The following UNC5A variants were observed in gnomAD, a reference collection of about 807,000 sequenced individuals.
UNC5A encodes unc-5 netrin receptor A.
Under a neutral mutation model 87.4 loss-of-function variants are expected in UNC5A, and 20 were observed. The ratio of observed to expected loss-of-function variants is 0.23; its 90% CI spans 0.16 to 0.33. The LOEUF is 0.33. Among genes scored for constraint, UNC5A ranks in the 10% least tolerant of loss-of-function variants. UNC5A has a pLI of 1.00. For missense variants in UNC5A, 844 were observed against 1,133.4 expected, an observed-to-expected ratio of 0.74 and a Z score of 3.67; for synonymous variants, 438 against 482.3, an observed-to-expected ratio of 0.91 and a Z score of 1.20.
intron 1 of UNC5A, among the ~76,000 whole-genome samples, chr5:176,819,751 C>T (rs1442255686): frequency 2.0e-5 from 3 of 152,214 alleles, no homozygotes; most frequent in African/African-American, 4.8e-5. Context: ...TAGGTTGGGC[C>T]GGAGCCACCA....
At chr5:176,817,941 AGCCCGCCC>A (rs942704629) in intron 1 of UNC5A, among the ~76,000 whole-genome samples, 1 of 151,932 alleles carries the variant, frequency 6.6e-6, no homozygotes, top group African/African-American at 2.4e-5. Flanking sequence ...TCCGCCCGCC[AGCCCGCCC>A]GCGGCCGCCC....
At chr5:176,835,382 T>C (rs904497505) in intron 1 of UNC5A, among the ~76,000 whole-genome samples, 3 of 152,162 alleles carry the variant, frequency 2.0e-5, no homozygotes, top group African/African-American at 7.2e-5. Flanking sequence ...CCCAGGAAGG[T>C]TCCCAGAGGG....
chr5:176,833,161 T>C (rs990686903), intron 1 of UNC5A, among the ~76,000 whole-genome samples: 8 of 152,206 alleles, frequency 5.3e-5, no homozygotes, highest in Non-Finnish European at 8.8e-5. Flanking sequence ...CTTCCAACTT[T>C]TACTTTAGGT....
Position 176,844,034 on chromosome 5 carries a change from G to A in UNC5A, c.71-18590G>A, listed in dbSNP as rs192895365. ...TGGGGCTAATTATAGGCACAGAGGA[G>A]AGGATTATTTACAGAGACAGGAGGC... On this transcript the variant is annotated intron_variant, in intron 1 of 14. Coordinates refer to ENST00000329542, the MANE Select transcript of UNC5A (RefSeq NM_133369.3). The surrounding 1 kb of genome is among the most constrained non-coding windows in gnomAD (Gnocchi z 4.2). Among the ~76,000 whole-genome samples, 395 of 152,386 alleles carry A rather than the reference G, an allele frequency of 2.6e-3. 2 individuals carry two copies. Among genetic ancestry groups the A allele is most frequent in the Middle Eastern group, 0.01 (3 of 294 alleles).
chr5:176,826,483 AT>A (rs1561641527), intron 1 of UNC5A, among the ~76,000 whole-genome samples: 1 of 152,056 alleles, frequency 6.6e-6, no homozygotes, highest in African/African-American at 2.4e-5. Flanking sequence ...ATGCATATAT[AT>A]TTTTTCTTTC....
At chr5:176,819,201 C>T (rs1756668040) in intron 1 of UNC5A, among the ~76,000 whole-genome samples, 1 of 152,172 alleles carries the variant, frequency 6.6e-6, no homozygotes, top group Non-Finnish European at 1.5e-5. Flanking sequence ...GCCTGAATCC[C>T]AACCCCCCAC....
In UNC5A at chr5:176,848,394, T is replaced by C. The variant is rs1027467812; in HGVS notation, c.71-14230T>C. Among the ~76,000 whole-genome samples, 13 of 152,044 alleles carry C rather than the reference T, an allele frequency of 8.6e-5. No individual in the cohort carries two copies. Among genetic ancestry groups the C allele is most frequent in the African/African-American group, 3.1e-4 (13 of 41,382 alleles). On this transcript the variant is annotated intron_variant, in intron 1 of 14. Coordinates refer to ENST00000329542, the MANE Select transcript of UNC5A (RefSeq NM_133369.3). This position sits in a 1 kb window ranked among gnomAD's most constrained non-coding sequence, Gnocchi z 5.8. ...TGAGGCCACCCCTCTCTTTCCTCCA[T>C]GTTCCTCCAAGACCCTAGAGCCCAT...
At chr5:176,864,607 G>C (rs759498181) in intron 2 of UNC5A, among the ~76,000 whole-genome samples, 1 of 152,168 alleles carries the variant, frequency 6.6e-6, no homozygotes, top group Non-Finnish European at 1.5e-5. Context: ...AGCCCTTCTC[G>C]TCTGCAGCAG....
At chr5:176,818,456 G>C (rs896176440) in intron 1 of UNC5A, among the ~76,000 whole-genome samples, 1 of 152,186 alleles carries the variant, frequency 6.6e-6, no homozygotes, top group Non-Finnish European at 1.5e-5. Flanking sequence ...AGACTGTTAC[G>C]TTTTTTATTC....
intron 1 of UNC5A, among the ~76,000 whole-genome samples, chr5:176,814,526 A>G (rs1011307031): frequency 2.0e-5 from 3 of 152,062 alleles, no homozygotes; most frequent in South Asian, 2.1e-4. Flanking sequence ...GCTGCTGCCA[A>G]TCCCTGCACT....
chr5:176,825,564 G>T (rs1756831819), intron 1 of UNC5A, among the ~76,000 whole-genome samples: 1 of 152,236 alleles, frequency 6.6e-6, no homozygotes, highest in African/African-American at 2.4e-5. Flanking sequence ...GGCACAGGAT[G>T]CAGTGAAGGT....
intron 2 of UNC5A, chr5:176,864,824 A>G: frequency 2.2e-6 from 1 of 456,080 alleles, no homozygotes; most frequent in South Asian, 1.5e-5. Context: ...AGAGGGAGAT[A>G]GAGAGGGTTG....
chr5:176,846,799 A>C (rs945172008), intron 1 of UNC5A, among the ~76,000 whole-genome samples: 1 of 152,150 alleles, frequency 6.6e-6, no homozygotes, highest in Admixed American at 6.5e-5. Context: ...GAGCAGCCAC[A>C]GTCCTGGCGC....
chr5:176,877,524 C>A lies in UNC5A; in HGVS notation c.1467-11C>A. 2 of 1,576,148 alleles carry A rather than the reference C, an allele frequency of 1.3e-6. No homozygotes were observed. The highest frequency in any genetic ancestry group is 1.7e-6 in the Non-Finnish European group (2 of 1,156,598). The stretch of plus-strand genomic sequence containing the variant: ...CACCTTTCCCTCCCCACCCATATTT[C>A]CCCACTTGAGGTTGCCCCTAGCTGG... On this transcript the variant is annotated splice_polypyrimidine_tract_variant and intron_variant, in intron 9 of 14. Coordinates refer to ENST00000329542, the MANE Select transcript of UNC5A (RefSeq NM_133369.3).
intron 1 of UNC5A, among the ~76,000 whole-genome samples, chr5:176,846,665 C>T (rs879347920): frequency 1.3e-5 from 2 of 152,174 alleles, no homozygotes; most frequent in Non-Finnish European, 2.9e-5. Context: ...CCAGTATCTG[C>T]CTCCCACAAG....
chr5:176,823,885 C>A (rs1455370428), intron 1 of UNC5A, among the ~76,000 whole-genome samples: 1 of 152,136 alleles, frequency 6.6e-6, no homozygotes, highest in African/African-American at 2.4e-5. Flanking sequence ...GTTTCTCTGC[C>A]GCCCATTGTT....
intron 1 of UNC5A, among the ~76,000 whole-genome samples, chr5:176,825,942 G>A (rs112061439): frequency 6.6e-6 from 1 of 152,350 alleles, no homozygotes; most frequent in Non-Finnish European, 1.5e-5. Flanking sequence ...GGAAGCAGGG[G>A]CATGCTGGGT....
At chr5:176,827,724 A>G (rs1756889849) in intron 1 of UNC5A, among the ~76,000 whole-genome samples, 1 of 152,222 alleles carries the variant, frequency 6.6e-6, no homozygotes, top group African/African-American at 2.4e-5. Context: ...GGAACTGCCA[A>G]ACTATTTTCC....
At position 176,862,694 on chromosome 5, in the gene UNC5A, G is replaced by C. The variant is rs1757870123; in HGVS notation, c.141G>C (p.Leu47=). ...GANPDLLPHF[L]VEPEDVYIVK... ...ACCCGGACCTGCTTCCCCACTTCCTGGTGGAGCCCGAGGATGTGTACATCG... is the reference window on the plus strand; with the variant it reads ...ACCCGGACCTGCTTCCCCACTTCCTCGTGGAGCCCGAGGATGTGTACATCG... Residue 47 remains leucine (L), a synonymous_variant, in exon 2 of 15, where the codon CTG becomes CTC. Transcript: ENST00000329542. The C allele has an allele frequency of 1.2e-6, 2 of 1,613,446 alleles. No individual in the cohort carries two copies. Among genetic ancestry groups the C allele is most frequent in the South Asian group, 1.1e-5 (1 of 91,090 alleles).
Sources: gnomAD v4.1 joint callset for allele counts (sites outside exome capture counted in the v4.1 genomes callset) on GRCh38, gnomAD v4.1.1 for gene constraint, Gnocchi (gnomAD v3.1) non-coding constraint, MANE v1.5 for transcripts, NCBI Gene and HGNC (gene_info 2026-07-23, HGNC 2026-07-21) for gene names.